CDKN2A: variants seen among roughly 807,000 people sequenced by gnomAD.
CDKN2A encodes the protein cyclin dependent kinase inhibitor 2A, also known as cyclin-dependent kinase inhibitor 2A.
CDKN2A carries 3 observed loss-of-function variants against 11.1 expected under a neutral mutation model. The observed-to-expected ratio is 0.27, with a 90% CI of 0.12 to 0.70. The LOEUF (loss-of-function observed/expected upper bound fraction) is 0.70, where lower values mean the gene tolerates loss of function less well. Among genes scored for constraint, CDKN2A ranks in the 30% least tolerant of loss-of-function variants. CDKN2A has a pLI of 0.77. For missense variants in CDKN2A, 265 were observed against 233.6 expected (o/e 1.13, Z -0.88); for synonymous variants, 122 against 108.1 (o/e 1.13, Z -0.80).
intron 1 of CDKN2A, among the ~76,000 whole-genome samples, chr9:21,973,653 T>C (rs1275648173): frequency 6.6e-6 from 1 of 152,098 alleles, no homozygotes; most frequent in Non-Finnish European, 1.5e-5. Context: ...TGTTCAAAAA[T>C]GAGGAATTGA....
chr9:21,985,741 C>T (rs1469201921), intron 2 of CDKN2A, among the ~76,000 whole-genome samples: 5 of 151,894 alleles, frequency 3.3e-5, no homozygotes, highest in Non-Finnish European at 7.4e-5. Context: ...GAGGTATACC[C>T]TAAAGGCCAC....
At position 21,968,594 on chromosome 9, in the gene CDKN2A, TGAA is replaced by T. The variant is rs1215898899; in HGVS notation, c.458-355_458-353del. 1.5e-5 allele frequency: 22 copies of T among 1,483,972 alleles called. No homozygotes were observed. Among genetic ancestry groups the T allele is most frequent in the Non-Finnish European group, 2.0e-5 (22 of 1,122,794 alleles). 91.9% of individuals were successfully genotyped at this position (1,483,972 alleles called of 1,614,324 possible). ...GCTCACAATGCCAGGCGCGAAGGCGTGAAGATGTGGCCTTTCCCTTCCCGCATC... is the reference window on the plus strand; with the variant it reads ...GCTCACAATGCCAGGCGCGAAGGCGTGATGTGGCCTTTCCCTTCCCGCATC... On this transcript the variant is annotated intron_variant, in intron 2 of 2. Transcript: ENST00000304494. This position sits in a 1 kb window ranked among gnomAD's most constrained non-coding sequence, Gnocchi z 4.7.
chr9:21,968,371 C>G lies in CDKN2A; in HGVS notation c.458-129G>C, dbSNP rs1410415628. The G allele has an allele frequency of 6.7e-7, 1 of 1,501,150 alleles. No individual in the cohort carries two copies. Among genetic ancestry groups the G allele is most frequent in the African/African-American group, 1.4e-5 (1 of 72,332 alleles). 93.0% of individuals were successfully genotyped at this position (1,501,150 alleles called of 1,614,324 possible). A position where few individuals can be genotyped will look rare whatever the true frequency, so the allele number is the denominator to read the frequency against. On this transcript the variant is annotated intron_variant, in intron 2 of 2. Coordinates refer to ENST00000304494, the MANE Select transcript of CDKN2A (RefSeq NM_000077.5). This position sits in a 1 kb window ranked among gnomAD's most constrained non-coding sequence, Gnocchi z 4.7. ...ATGGATAAAGTTCTCGCAATGGCTTCACGTGCATGTACCCGCCGCCACCGC... is the reference window on the plus strand; with the variant it reads ...ATGGATAAAGTTCTCGCAATGGCTTGACGTGCATGTACCCGCCGCCACCGC...
rs2131109138 is a variant in CDKN2A at position 21,974,459 on chromosome 9, C to G, written c.150+219G>C. Reference sequence around the variant, plus strand: ...CAGATCTTCTCAGCATTCGAGAGATCTGTACGCGCGTGGCTCCTCATTCCT... The same window carrying G: ...CAGATCTTCTCAGCATTCGAGAGATGTGTACGCGCGTGGCTCCTCATTCCT... On this transcript the variant is annotated intron_variant, in intron 1 of 2. Transcript: ENST00000304494. The surrounding 1 kb of genome is among the most constrained non-coding windows in gnomAD (Gnocchi z 5.2). The G allele has an allele frequency of 6.2e-7, 1 of 1,612,278 alleles. No homozygotes were observed. Among genetic ancestry groups the G allele is most frequent in the African/African-American group, 1.3e-5 (1 of 75,036 alleles).
At position 21,980,998 on chromosome 9, in the gene CDKN2A, A is replaced by ATACACG. The variant is rs1820166585; in HGVS notation, c.-3-9791_-3-9790insCGTGTA. Among the ~76,000 whole-genome samples the ATACACG allele has an allele frequency of 2.2e-4, 3 of 13,922 alleles. 1 individual carries two copies. The highest frequency in any genetic ancestry group is 6.7e-4 in the African/African-American group (3 of 4,448). The allele number at this position is 13,922 out of a possible 152,430, so 9.1% of individuals were successfully genotyped here. On this transcript the variant is annotated intron_variant, in intron 2 of 3. Coordinates refer to the CDKN2A transcript ENST00000494262. ...TATATATATATATACACGTATATATATATACGTGTATATATATATATACGT... is the reference window on the plus strand; with the variant it reads ...TATATATATATATACACGTATATATATACACGTATACGTGTATATATATATATACGT...
Position 21,991,809 on chromosome 9 carries a change from G to A in CDKN2A, c.-4+2073C>T, listed in dbSNP as rs1453064030. 1 of 984,984 alleles carries A rather than the reference G, an allele frequency of 1.0e-6. No homozygotes were observed. Among genetic ancestry groups the A allele is most frequent in the Non-Finnish European group, 1.2e-6 (1 of 829,674 alleles). 61.0% of individuals were successfully genotyped at this position (984,984 alleles called of 1,614,324 possible). A position where few individuals can be genotyped will look rare whatever the true frequency, so the allele number is the denominator to read the frequency against. ...AGTCTTGATTTCTGAAAGGGCTATG[G>A]TTCACTTGGAACACAATACAAACTG... is the stretch of plus-strand genomic sequence containing the variant. On this transcript the variant is annotated intron_variant, in intron 2 of 3. Coordinates refer to the CDKN2A transcript ENST00000494262. The surrounding 1 kb of genome is among the most constrained non-coding windows in gnomAD (Gnocchi z 5.2).
intron 2 of CDKN2A, chr9:21,970,658 T>C: frequency 1.6e-6 from 1 of 614,444 alleles, no homozygotes; most frequent in South Asian, 1.9e-5. Flanking sequence ...GGTGGTGGTA[T>C]GCTTTGGGAA....
At chr9:21,977,228 C>G (rs1251065333), upstream of CDKN2A, among the ~76,000 whole-genome samples, 1 of 152,070 alleles carries the variant, frequency 6.6e-6, no homozygotes, top group African/African-American at 2.4e-5. Flanking sequence ...TTCAAACTAT[C>G]GATAAATAAA....
chr9:21,994,619 C>T, intron 1 of CDKN2A: 1 of 499,280 alleles, frequency 2.0e-6, no homozygotes, highest in South Asian at 4.7e-5. Context: ...TAGGGAGGCG[C>T]GCGCGCGGGC....
rs2131114363 is a variant in CDKN2A, at chr9:21,974,832, C to A, written c.-5G>T. 6.3e-7 allele frequency: 1 copy of A among 1,581,468 alleles called. No homozygotes were observed. Among genetic ancestry groups the A allele is most frequent in the Non-Finnish European group, 8.6e-7 (1 of 1,168,802 alleles). Reference sequence around the variant, plus strand: ...GCTCCCCGCCGCCGGCTCCATGCTGCTCCCCGCCGCCCGCTGCCTGCTCTC... The same window carrying A: ...GCTCCCCGCCGCCGGCTCCATGCTGATCCCCGCCGCCCGCTGCCTGCTCTC... On this transcript the variant is annotated 5_prime_UTR_variant, in exon 1 of 3. Coordinates refer to ENST00000304494, the MANE Select transcript of CDKN2A (RefSeq NM_000077.5). The surrounding 1 kb of genome is among the most constrained non-coding windows in gnomAD (Gnocchi z 5.2).
intron 2 of CDKN2A, among the ~76,000 whole-genome samples, chr9:21,983,269 C>G (rs1221811483): frequency 6.6e-6 from 1 of 152,056 alleles, no homozygotes; most frequent in Non-Finnish European, 1.5e-5. Flanking sequence ...AAGGAATTAG[C>G]TGCACATAGA....
chr9:21,969,158 G>A (rs764051791), intron 2 of CDKN2A, among the ~76,000 whole-genome samples: 2 of 152,176 alleles, frequency 1.3e-5, no homozygotes, highest in African/African-American at 2.4e-5. Flanking sequence ...TGTAATCCCA[G>A]TACTTTAGGA....
At chr9:21,990,324 A>C (rs529198545) in intron 2 of CDKN2A, among the ~76,000 whole-genome samples, 1 of 152,262 alleles carries the variant, frequency 6.6e-6, no homozygotes, top group East Asian at 1.9e-4. Context: ...CTGACGTCAC[A>C]GCCCTCGCAG....
chr9:21,974,594 G>T lies in CDKN2A; in HGVS notation c.150+84C>A, dbSNP rs1819937946. On this transcript the variant is annotated intron_variant, in intron 1 of 2. Transcript: ENST00000304494. The surrounding 1 kb of genome is among the most constrained non-coding windows in gnomAD (Gnocchi z 5.2). ...TCCCCTTTTTCCGGAGAATCGAAGC[G>T]CTACCTGATTCCAATTCCCCTGCAA... The T allele has an allele frequency of 6.8e-6, 11 of 1,613,832 alleles. No individual in the cohort carries two copies. The highest frequency in any genetic ancestry group is 9.3e-6 in the Non-Finnish European group (11 of 1,180,008).
Position 21,968,931 on chromosome 9 carries a change from T to A in CDKN2A, c.458-689A>T, listed in dbSNP as rs117417018. ...TTTATTCCTGAGGGAGCATTTGCAC[T>A]TGAAAGTCTCTTTTTACGTTTATTC... On this transcript the variant is annotated intron_variant, in intron 2 of 2. Coordinates refer to ENST00000304494, the MANE Select transcript of CDKN2A (RefSeq NM_000077.5). The surrounding 1 kb of genome is among the most constrained non-coding windows in gnomAD (Gnocchi z 4.7). Among the ~76,000 whole-genome samples the A allele has an allele frequency of 1.2e-3, 178 of 152,336 alleles. 1 individual carries two copies. In the East Asian group the frequency reaches 0.019, roughly 16 times the overall value.
At chr9:21,990,652 AACTGTTT>A (rs1405101120) in intron 2 of CDKN2A, among the ~76,000 whole-genome samples, 14 of 24,842 alleles carry the variant, frequency 5.6e-4, no homozygotes, top group African/African-American at 1.5e-3. Flanking sequence ...GAGAGAGAGA[AACTGTTT>A]ACTGTTTGGA....
At chr9:21,977,665 C>T (rs1429690135), upstream of CDKN2A, among the ~76,000 whole-genome samples, 1 of 152,178 alleles carries the variant, frequency 6.6e-6, no homozygotes, top group Non-Finnish European at 1.5e-5. Context: ...CGTGCCCGGC[C>T]TACAGTGGTT....
Position 21,993,799 on chromosome 9 carries a change from CTGTGTGTGTGTG to C in CDKN2A, c.-4+71_-4+82del, listed in dbSNP as rs71336508. ...GTGTGCTTGAAATACACCTTTCCTA[CTGTGTGTGTGTG>C]TGTGTGTGTGTGTGTGTGTGTGTGT... On this transcript the variant is annotated intron_variant, in intron 2 of 3. Coordinates refer to the CDKN2A transcript ENST00000494262. The C allele has an allele frequency of 9.8e-3, 2,421 of 247,192 alleles. 16 individuals carry two copies. The highest frequency in any genetic ancestry group is 0.027 in the African/African-American group (1,105 of 41,018). 15.3% of individuals were successfully genotyped at this position (247,192 alleles called of 1,614,324 possible).
At chr9:21,974,908 C>T (rs1241768517), upstream of CDKN2A, 2 of 1,438,844 alleles carry the variant, frequency 1.4e-6, no homozygotes, top group Non-Finnish European at 1.8e-6. This position sits in a 1 kb window ranked among gnomAD's most constrained non-coding sequence, Gnocchi z 5.2. Flanking sequence ...CCTCTGGTGA[C>T]CAGCCAGCCC....
Sources: gnomAD v4.1 joint callset for allele counts (sites outside exome capture counted in the v4.1 genomes callset) on GRCh38, gnomAD v4.1.1 for gene constraint, Gnocchi (gnomAD v3.1) non-coding constraint, MANE v1.5 for transcripts, NCBI Gene and HGNC (gene_info 2026-07-23, HGNC 2026-07-21) for gene names.